NKAIN3: variants seen among roughly 807,000 people sequenced by gnomAD.
NKAIN3 encodes sodium/potassium transporting ATPase interacting 3, also known as sodium/potassium-transporting ATPase subunit beta-1-interacting protein 3.
Under a neutral mutation model 30.2 loss-of-function variants are expected in NKAIN3, and 25 were observed. That is an observed-to-expected ratio of 0.83 (90% CI 0.60 to 1.16). NKAIN3 has a LOEUF of 1.16. NKAIN3 is among the 50% of genes most tolerant of loss of function. The pLI, the probability that NKAIN3 is intolerant of heterozygous loss-of-function variation, is 0.00. For missense variants in NKAIN3, 225 were observed against 254.1 expected, an observed-to-expected ratio of 0.89 and a Z score of 0.78; for synonymous variants, 91 against 89.6, an observed-to-expected ratio of 1.02 and a Z score of -0.09.
chr8:62,803,821 A>C (rs1283214276), intron 4 of NKAIN3, among the ~76,000 whole-genome samples: 1 of 152,222 alleles, frequency 6.6e-6, no homozygotes, highest in Non-Finnish European at 1.5e-5. Context: ...TAATGAATCC[A>C]GGAGCTGGTT....
rs1378359849 is a variant in NKAIN3, at chr8:62,921,193, G to T, written c.532+2680G>T. On this transcript the variant is annotated intron_variant, in intron 5 of 6. Transcript: ENST00000623646. ...CACATAAAATAAGTAAACAATACTGGTATCTTTCCAATTTGTCTAAGTACA... is the reference window on the plus strand; with the variant it reads ...CACATAAAATAAGTAAACAATACTGTTATCTTTCCAATTTGTCTAAGTACA... 2.2e-4 allele frequency among the ~76,000 whole-genome samples: 33 copies of T among 152,074 alleles called. 1 individual carries two copies. Among genetic ancestry groups the T allele is most frequent in the Non-Finnish European group, 1.5e-5 (1 of 68,002 alleles).
intron 2 of NKAIN3, among the ~76,000 whole-genome samples, chr8:62,583,564 G>T (rs1216859807): frequency 2.0e-5 from 3 of 152,186 alleles, no homozygotes; most frequent in African/African-American, 7.2e-5. Flanking sequence ...TGATTTCCCA[G>T]ATGAGAAAAG....
At chr8:62,878,529 T>TATA (rs1820870807) in intron 4 of NKAIN3, among the ~76,000 whole-genome samples, 1 of 152,020 alleles carries the variant, frequency 6.6e-6, no homozygotes, top group Admixed American at 6.6e-5. Flanking sequence ...TTATTATTAT[T>TATA]ATACTTTAAG....
At chr8:62,544,254 C>T (rs1808938990) in intron 1 of NKAIN3, among the ~76,000 whole-genome samples, 1 of 152,254 alleles carries the variant, frequency 6.6e-6, no homozygotes, top group Non-Finnish European at 1.5e-5. Flanking sequence ...CCTCCTGCCT[C>T]AGACTCCCAA....
intron 6 of NKAIN3, among the ~76,000 whole-genome samples, chr8:62,961,259 G>A (rs1438767058): frequency 6.6e-6 from 1 of 151,334 alleles, no homozygotes; most frequent in African/African-American, 2.4e-5. Context: ...CAGCCTAGGT[G>A]ACAGAGTGAG....
chr8:62,370,189 G>T (rs1240730448), intron 1 of NKAIN3, among the ~76,000 whole-genome samples: 1 of 151,934 alleles, frequency 6.6e-6, no homozygotes, highest in African/African-American at 2.4e-5. Context: ...TGCTGTATCT[G>T]TCACACAAGG....
At chr8:62,987,185 A>T (rs143268627), downstream of NKAIN3, among the ~76,000 whole-genome samples, 2 of 152,104 alleles carry the variant, frequency 1.3e-5, no homozygotes, top group African/African-American at 4.8e-5. Flanking sequence ...TCAGGAGTTT[A>T]AGATTAACCT....
At chr8:62,357,767 G>T (rs1037718517) in intron 1 of NKAIN3, among the ~76,000 whole-genome samples, 1 of 152,092 alleles carries the variant, frequency 6.6e-6, no homozygotes, top group African/African-American at 2.4e-5. Flanking sequence ...GTAACTGTTA[G>T]CAGAGTTTGC....
chr8:62,606,332 T>A (rs2130167783), intron 3 of NKAIN3, among the ~76,000 whole-genome samples: 1 of 152,246 alleles, frequency 6.6e-6, no homozygotes, highest in Non-Finnish European at 1.5e-5. Context: ...GCTAGTCTAC[T>A]AGTGTTCCTT....
intron 1 of NKAIN3, among the ~76,000 whole-genome samples, chr8:62,420,437 A>C (rs751530633): frequency 4.3e-4 from 65 of 152,304 alleles, no homozygotes; most frequent in Admixed American, 1.3e-3. Context: ...TCCGTGTTAC[A>C]CATTTTTAAG....
chr8:62,511,666 T>C (rs1807817788), intron 1 of NKAIN3, among the ~76,000 whole-genome samples: 1 of 152,174 alleles, frequency 6.6e-6, no homozygotes, highest in Non-Finnish European at 1.5e-5. Flanking sequence ...TTGCTTTCTC[T>C]ACCACAGTTC....
At chr8:62,433,272 C>A (rs951567493) in intron 1 of NKAIN3, among the ~76,000 whole-genome samples, 1 of 151,990 alleles carries the variant, frequency 6.6e-6, no homozygotes, top group Admixed American at 6.6e-5. Flanking sequence ...AGTTTATTAC[C>A]TCAAGTTATT....
chr8:62,258,427 C>T (rs1812326013), intron 1 of NKAIN3, among the ~76,000 whole-genome samples: 2 of 151,674 alleles, frequency 1.3e-5, no homozygotes, highest in South Asian at 4.2e-4. Flanking sequence ...TGGGAGGATC[C>T]CTTGAGCCCA....
At chr8:62,297,901 T>C (rs543240456) in intron 1 of NKAIN3, among the ~76,000 whole-genome samples, 8 of 152,236 alleles carry the variant, frequency 5.3e-5, no homozygotes, top group African/African-American at 1.9e-4. Flanking sequence ...CTATTCACAA[T>C]AGCAAAGACT....
chr8:62,734,254 G>C (rs1248938249), intron 3 of NKAIN3, among the ~76,000 whole-genome samples: 1 of 152,186 alleles, frequency 6.6e-6, no homozygotes, highest in African/African-American at 2.4e-5. Context: ...CTGCACTCCA[G>C]CCTGGGTGAC....
intron 4 of NKAIN3, among the ~76,000 whole-genome samples, chr8:62,780,457 A>G (rs114732722): frequency 0.01 from 1,552 of 152,238 alleles, 27 homozygotes; most frequent in African/African-American, 0.034. Context: ...TCATCCTAAT[A>G]CCAAACCCAG....
rs114097386 is a variant in NKAIN3 at position 62,323,952 on chromosome 8, T to G, written c.54+74825T>G. Among the ~76,000 whole-genome samples, 1,363 of 151,632 alleles carry G rather than the reference T, an allele frequency of 9.0e-3. 29 individuals are homozygous for G. Among genetic ancestry groups the G allele is most frequent in the African/African-American group, 0.031 (1,288 of 41,316 alleles). Reference sequence around the variant, plus strand: ...TTAGTGGTTTTAAGGGATTTTGGGGTACAGAGGGAGGGAGAGAGGGAAGGA... The same window carrying G: ...TTAGTGGTTTTAAGGGATTTTGGGGGACAGAGGGAGGGAGAGAGGGAAGGA... On this transcript the variant is annotated intron_variant, in intron 1 of 6. Coordinates refer to ENST00000623646, the MANE Select transcript of NKAIN3 (RefSeq NM_001304533.3).
intron 1 of NKAIN3, among the ~76,000 whole-genome samples, chr8:62,389,779 A>T (rs940635558): frequency 2.0e-5 from 3 of 152,192 alleles, no homozygotes; most frequent in African/African-American, 7.2e-5. Flanking sequence ...GAATGCAATT[A>T]AGTGTCCAGG....
At chr8:62,845,285 T>TTATATATACATATATATATATATATA (rs1819647192) in intron 4 of NKAIN3, among the ~76,000 whole-genome samples, 1 of 68,928 alleles carries the variant, frequency 1.5e-5, no homozygotes, top group African/African-American at 4.9e-5. Context: ...GGATAGTAGA[T>TTATATATACATATATATATATATATA]TATATATATA....
Sources: allele counts gnomAD v4.1 joint callset (sites outside exome capture counted in the v4.1 genomes callset), GRCh38; gene constraint gnomAD v4.1.1; transcripts MANE v1.5; gene names NCBI Gene and HGNC (gene_info 2026-07-23, HGNC 2026-07-21).